IPMK: variants seen among roughly 807,000 people sequenced by gnomAD.
IPMK encodes inositol polyphosphate multikinase, also known as inositol 1,3,4,6-tetrakisphosphate 5-kinase.
Under a neutral mutation model 45.8 loss-of-function variants are expected in IPMK, and 17 were observed. The ratio of observed to expected loss-of-function variants is 0.37; its 90% CI spans 0.25 to 0.56. The LOEUF (loss-of-function observed/expected upper bound fraction) is 0.56. IPMK is among the 20% of genes least tolerant of loss of function. The pLI is 0.79. For missense variants in IPMK, 399 were observed against 498.0 expected, an observed-to-expected ratio of 0.80 and a Z score of 1.89; for synonymous variants, 180 against 184.3, an observed-to-expected ratio of 0.98 and a Z score of 0.19.
At chr10:58,199,927 C>A (rs1164014960) in intron 4 of IPMK, among the ~76,000 whole-genome samples, 1 of 152,018 alleles carries the variant, frequency 6.6e-6, no homozygotes, top group African/African-American at 2.4e-5. Flanking sequence ...TAATGAAAGA[C>A]CCCATTTATA....
intron 4 of IPMK, among the ~76,000 whole-genome samples, chr10:58,211,901 CAAAAAAAAA>C (rs753050298): frequency 2.2e-4 from 11 of 50,374 alleles, no homozygotes; most frequent in East Asian, 7.6e-4. Context: ...GACATCTCAC[CAAAAAAAAA>C]AAAAAAAAAA....
Position 58,191,642 on chromosome 10 carries a change from G to A in IPMK, c.*4434C>T, listed in dbSNP as rs144412416. ...AAAATAAAAACACAAATCACACATT[G>A]ACAATAACCCCTGCAGTCCAAGTAT... is the stretch of plus-strand genomic sequence containing the variant. On this transcript the variant is annotated 3_prime_UTR_variant, in exon 6 of 6. Transcript: ENST00000373935. 4 of 151,682 alleles carry A rather than the reference G, an allele frequency of 2.6e-5. No individual in the cohort carries two copies. Among genetic ancestry groups the A allele is most frequent in the African/African-American group, 9.7e-5 (4 of 41,330 alleles). 9.4% of individuals were successfully genotyped at this position (151,682 alleles called of 1,614,324 possible).
At chr10:58,259,772 G>A (rs897036122) in intron 1 of IPMK, among the ~76,000 whole-genome samples, 6 of 151,634 alleles carry the variant, frequency 4.0e-5, no homozygotes, top group Non-Finnish European at 8.8e-5. Context: ...CCTGGGAGGC[G>A]GAGGTTGCAG....
intron 1 of IPMK, among the ~76,000 whole-genome samples, chr10:58,259,671 T>TAAAAAAAAAAAAAAAAAAATAA (rs560813021): frequency 1.2e-5 from 1 of 86,768 alleles, no homozygotes; most frequent in African/African-American, 6.3e-5. Flanking sequence ...CATCTCTACA[T>TAAAAAAAAAAAAAAAAAAATAA]AAAAAAAAAA....
chr10:58,235,061 A>G lies in IPMK; in HGVS notation c.276+2668T>C, dbSNP rs555302347. Among the ~76,000 whole-genome samples, 34 of 152,388 alleles carry G rather than the reference A, an allele frequency of 2.2e-4. No individual in the cohort carries two copies. In the South Asian group the frequency reaches 7.0e-3, roughly 32 times the overall value. ...CATCTAGGCAGTCAACAGACACATG[A>G]AAAAATGCTCATCAGCACTGGTCAT... On this transcript the variant is annotated intron_variant, in intron 2 of 5. Transcript: ENST00000373935.
chr10:58,218,806 A>G (rs1377995451), intron 3 of IPMK, among the ~76,000 whole-genome samples: 1 of 152,210 alleles, frequency 6.6e-6, no homozygotes, highest in Non-Finnish European at 1.5e-5. Context: ...CTCTGAAATA[A>G]AATCTCCTAT....
At chr10:58,209,209 T>C (rs1172266733) in intron 4 of IPMK, among the ~76,000 whole-genome samples, 2 of 152,180 alleles carry the variant, frequency 1.3e-5, no homozygotes, top group African/African-American at 4.8e-5. Context: ...CCATGCTGCA[T>C]TCCTGTAGGG....
At chr10:58,247,043 C>T (rs1208178124) in intron 1 of IPMK, among the ~76,000 whole-genome samples, 1 of 150,960 alleles carries the variant, frequency 6.6e-6, no homozygotes, top group Non-Finnish European at 1.5e-5. Context: ...AGCCAAAAGA[C>T]ACATGAAAAA....
chr10:58,206,204 A>T (rs1838069286), intron 4 of IPMK, among the ~76,000 whole-genome samples: 1 of 137,624 alleles, frequency 7.3e-6, no homozygotes, highest in Admixed American at 6.8e-5. Flanking sequence ...ACAAAATACC[A>T]CACATTGTAC....
intron 3 of IPMK, among the ~76,000 whole-genome samples, chr10:58,220,696 C>T (rs1329270982): frequency 6.6e-6 from 1 of 152,168 alleles, no homozygotes; most frequent in Non-Finnish European, 1.5e-5. Flanking sequence ...AAATTTCATA[C>T]ATTCCATATA....
chr10:58,243,693 G>A lies in IPMK; in HGVS notation c.191-5879C>T, dbSNP rs575785573. 1.8e-4 allele frequency among the ~76,000 whole-genome samples: 27 copies of A among 152,362 alleles called. 1 individual carries two copies. The East Asian group carries it at 5.2e-3, about 29-fold the overall frequency. ...TGCTCAATGTTGCCCAGGCTGGAGT[G>A]CAGTGGCGTGATCTCGGCTCGCTAC... On this transcript the variant is annotated intron_variant, in intron 1 of 5. Coordinates refer to ENST00000373935, the MANE Select transcript of IPMK (RefSeq NM_152230.5).
chr10:58,214,998 T>C (rs979951302), intron 4 of IPMK, among the ~76,000 whole-genome samples: 97 of 152,198 alleles, frequency 6.4e-4, no homozygotes, highest in African/African-American at 2.2e-3. Flanking sequence ...TTTTGCCCTA[T>C]AGAATTTCAT....
chr10:58,259,672 A>T (rs1258017176), intron 1 of IPMK, among the ~76,000 whole-genome samples: 1 of 94,578 alleles, frequency 1.1e-5, no homozygotes, highest in Admixed American at 9.8e-5. Context: ...ATCTCTACAT[A>T]AAAAAAAAAA....
chr10:58,265,845 T>A (rs567210787), intron 1 of IPMK, among the ~76,000 whole-genome samples: 1 of 152,226 alleles, frequency 6.6e-6, no homozygotes, highest in Admixed American at 6.5e-5. Context: ...GTTACACTCT[T>A]AAGTGACAAT....
intron 3 of IPMK, among the ~76,000 whole-genome samples, chr10:58,224,337 T>C (rs1175407667): frequency 6.6e-6 from 1 of 152,238 alleles, no homozygotes; most frequent in Non-Finnish European, 1.5e-5. Context: ...TTTTTGATGC[T>C]ACATGTATTA....
chr10:58,217,156 CTTTTTTTTTTTT>C (rs58314639), intron 3 of IPMK, among the ~76,000 whole-genome samples: 2 of 102,932 alleles, frequency 1.9e-5, no homozygotes, highest in Non-Finnish European at 3.8e-5. Context: ...GCCCATCTTG[CTTTTTTTTTTTT>C]TTTTTTTTTT....
At chr10:58,235,486 AT>A (rs1400114012) in intron 2 of IPMK, among the ~76,000 whole-genome samples, 1 of 152,224 alleles carries the variant, frequency 6.6e-6, no homozygotes, top group African/African-American at 2.4e-5. Flanking sequence ...CTATGCAGCC[AT>A]AAAAAAGAAT....
At chr10:58,225,826 G>C (rs552836643) in intron 3 of IPMK, among the ~76,000 whole-genome samples, 1 of 151,968 alleles carries the variant, frequency 6.6e-6, no homozygotes, top group East Asian at 1.9e-4. Flanking sequence ...TCCACTTACA[G>C]CAAAGAGGGA....
At position 58,199,647 on chromosome 10, in the gene IPMK, C is replaced by A. The variant is rs138930025; in HGVS notation, c.547-326G>T. Reference sequence around the variant, plus strand: ...AGCACTTCTTTTAAAATACAAGAAGCCTTCACAAAAATATTTTATCATGAT... The same window carrying A: ...AGCACTTCTTTTAAAATACAAGAAGACTTCACAAAAATATTTTATCATGAT... On this transcript the variant is annotated intron_variant, in intron 4 of 5. Transcript: ENST00000373935. Among the ~76,000 whole-genome samples, 28 of 152,136 alleles carry A rather than the reference C, an allele frequency of 1.8e-4. No homozygotes were observed. In the East Asian group the frequency reaches 5.4e-3, roughly 29 times the overall value.
Sources: gnomAD v4.1 joint callset for allele counts (sites outside exome capture counted in the v4.1 genomes callset) on GRCh38, gnomAD v4.1.1 for gene constraint, MANE v1.5 for transcripts, NCBI Gene and HGNC (gene_info 2026-07-23, HGNC 2026-07-21) for gene names.